COMMD10: variants seen among roughly 807,000 people sequenced by gnomAD.
COMMD10 encodes the protein COMM domain containing 10.
COMMD10 carries 33 observed loss-of-function variants against 28.9 expected under a neutral mutation model. That is an observed-to-expected ratio of 1.14 (90% CI 0.87 to 1.53). The LOEUF (loss-of-function observed/expected upper bound fraction) is 1.53, where lower values mean the gene tolerates loss of function less well. COMMD10 is among the 40% of genes most tolerant of loss of function. The probability of loss-of-function intolerance (pLI) is 0.00; values close to 1 mark genes in which losing one functional copy is unlikely to be tolerated. For missense variants in COMMD10, 310 were observed against 233.4 expected (o/e 1.33, Z -2.14); for synonymous variants, 110 against 81.7 (o/e 1.35, Z -1.87).
At chr5:116,135,117 G>T (rs1259246481) in intron 5 of COMMD10, among the ~76,000 whole-genome samples, 1 of 152,034 alleles carries the variant, frequency 6.6e-6, no homozygotes, top group Non-Finnish European at 1.5e-5. Flanking sequence ...GGTAGAAAAG[G>T]GGGAGTGACT....
At chr5:116,143,993 G>A (rs188142228) in intron 5 of COMMD10, among the ~76,000 whole-genome samples, 243 of 151,958 alleles carry the variant, frequency 1.6e-3, no homozygotes, top group African/African-American at 5.6e-3. Context: ...AGGCAGAGAA[G>A]TTTTCAGATG....
intron 5 of COMMD10, among the ~76,000 whole-genome samples, chr5:116,165,365 A>T (rs1232067432): frequency 1.3e-5 from 2 of 152,216 alleles, no homozygotes; most frequent in Non-Finnish European, 2.9e-5. Context: ...TTCTTATTAC[A>T]AATTAATAGC....
intron 5 of COMMD10, among the ~76,000 whole-genome samples, chr5:116,178,826 C>G (rs1401088840): frequency 6.6e-6 from 1 of 152,106 alleles, no homozygotes; most frequent in African/African-American, 2.4e-5. Flanking sequence ...GTAGTTGATG[C>G]AGATGGCCAC....
At chr5:116,224,260 T>G (rs74755944) in intron 5 of COMMD10, among the ~76,000 whole-genome samples, 1,826 of 152,330 alleles carry the variant, frequency 0.012, 39 homozygotes, top group African/African-American at 0.04. Flanking sequence ...AATTCGTTTA[T>G]TCCTGTTCAC....
chr5:116,190,679 A>T (rs546916172), intron 5 of COMMD10, among the ~76,000 whole-genome samples: 20 of 152,298 alleles, frequency 1.3e-4, no homozygotes, highest in Non-Finnish European at 2.9e-4. Context: ...AATACCTCTT[A>T]TTTATGTTTT....
intron 5 of COMMD10, among the ~76,000 whole-genome samples, chr5:116,286,685 T>A (rs1159224411): frequency 6.6e-6 from 1 of 151,830 alleles, no homozygotes; most frequent in Non-Finnish European, 1.5e-5. Flanking sequence ...TTCCTTGTGC[T>A]ACTGGTTTGT....
At chr5:116,191,981 A>C (rs1748382879) in intron 5 of COMMD10, among the ~76,000 whole-genome samples, 1 of 151,154 alleles carries the variant, frequency 6.6e-6, no homozygotes. Context: ...TTCACATCAC[A>C]GGATGTGATA....
intron 4 of COMMD10, among the ~76,000 whole-genome samples, chr5:116,120,247 C>G (rs1022220590): frequency 2.6e-5 from 4 of 152,078 alleles, no homozygotes; most frequent in Admixed American, 6.5e-5. Context: ...TGAAGTAATT[C>G]AGGAATGGAA....
chr5:116,095,818 G>T (rs1750450521), intron 4 of COMMD10, among the ~76,000 whole-genome samples: 1 of 151,986 alleles, frequency 6.6e-6, no homozygotes, highest in African/African-American at 2.4e-5. Context: ...GCAGGTCAAA[G>T]TTCATTTTTT....
At chr5:116,125,763 T>A (rs1219211989) in intron 4 of COMMD10, among the ~76,000 whole-genome samples, 1 of 152,124 alleles carries the variant, frequency 6.6e-6, no homozygotes, top group Non-Finnish European at 1.5e-5. Context: ...TTATTCTTTT[T>A]TCTCTAAACT....
intron 5 of COMMD10, among the ~76,000 whole-genome samples, chr5:116,153,171 G>T (rs1158268327): frequency 6.6e-6 from 1 of 152,086 alleles, no homozygotes; most frequent in East Asian, 1.9e-4. Context: ...GAGATGGACA[G>T]ATCTTACATA....
chr5:116,105,039 T>A (rs1485771854), intron 4 of COMMD10, among the ~76,000 whole-genome samples: 3 of 152,238 alleles, frequency 2.0e-5, no homozygotes, highest in Non-Finnish European at 2.9e-5. Context: ...TGTGCTGGTT[T>A]TCAAAGGGAA....
At chr5:116,188,476 A>G (rs1482721245) in intron 5 of COMMD10, 2 of 152,224 alleles carry the variant, frequency 1.3e-5, no homozygotes, top group African/African-American at 2.4e-5. Context: ...ACACTTCACA[A>G]ATTTGTGCAG....
rs190812063 is a variant in COMMD10, at chr5:116,104,837, T to G, written c.399+12137T>G. ...GGTTTCACTGTCTTAGCCAGGATGG[T>G]CTAGATCCCCTGACCTCGTGATCCG... On this transcript the variant is annotated intron_variant, in intron 4 of 6. Coordinates refer to ENST00000274458, the MANE Select transcript of COMMD10 (RefSeq NM_016144.4). Among the ~76,000 whole-genome samples, 442 of 152,296 alleles carry G rather than the reference T, an allele frequency of 2.9e-3. 5 individuals carry two copies. The highest frequency in any genetic ancestry group is 4.0e-3 in the Non-Finnish European group (272 of 68,020).
intron 5 of COMMD10, among the ~76,000 whole-genome samples, chr5:116,186,070 T>C (rs563118619): frequency 1.4e-4 from 22 of 152,140 alleles, no homozygotes; most frequent in Non-Finnish European, 2.5e-4. Context: ...TTTTCTTTCC[T>C]CCATCTTCAT....
intron 5 of COMMD10, among the ~76,000 whole-genome samples, chr5:116,287,496 G>A (rs1387207386): frequency 6.6e-6 from 1 of 151,654 alleles, no homozygotes; most frequent in Non-Finnish European, 1.5e-5. Flanking sequence ...CTTGTAAACA[G>A]GGTATAGTTG....
chr5:116,128,770 G>C (rs1374995206), intron 4 of COMMD10, among the ~76,000 whole-genome samples: 1 of 151,922 alleles, frequency 6.6e-6, no homozygotes, highest in African/African-American at 2.4e-5. Context: ...TTAGGACATT[G>C]ATATTTCTGA....
intron 5 of COMMD10, among the ~76,000 whole-genome samples, chr5:116,279,903 C>A (rs1484632968): frequency 6.6e-6 from 1 of 151,748 alleles, no homozygotes; most frequent in African/African-American, 2.4e-5. Flanking sequence ...CTCAGCAAAG[C>A]TTTTAAATAT....
intron 5 of COMMD10, among the ~76,000 whole-genome samples, chr5:116,146,107 A>G (rs974996710): frequency 2.0e-5 from 3 of 151,884 alleles, no homozygotes; most frequent in African/African-American, 7.2e-5. Context: ...TGTACAGTTT[A>G]TCTGTTAAGA....
Sources: allele counts gnomAD v4.1 joint callset (sites outside exome capture counted in the v4.1 genomes callset), GRCh38; gene constraint gnomAD v4.1.1; transcripts MANE v1.5; gene names NCBI Gene and HGNC (gene_info 2026-07-23, HGNC 2026-07-21).